Variants in FHOD3 observed in about 807,000 individuals in gnomAD.
FHOD3 encodes formin homology 2 domain containing 3.
A neutral mutation model predicts 173.0 loss-of-function variants in FHOD3; 90 were observed. The observed-to-expected ratio is 0.52, with a 90% CI of 0.44 to 0.62. FHOD3 has a LOEUF of 0.62. Ranked by LOEUF, FHOD3 falls within the 20% of genes least tolerant of loss-of-function variation. FHOD3 has a pLI of 0.00. For missense variants in FHOD3, 1,945 were observed against 2,034.7 expected (o/e 0.96, Z 0.85); for synonymous variants, 828 against 823.0 (o/e 1.01, Z -0.10).
chr18:36,366,855 C>T (rs1436715736), intron 2 of FHOD3, among the ~76,000 whole-genome samples: 1 of 152,140 alleles, frequency 6.6e-6, no homozygotes, highest in African/African-American at 2.4e-5. Flanking sequence ...CTACTTTTGC[C>T]AGATGGTGAA....
At chr18:36,585,292 T>C (rs761584185) in intron 6 of FHOD3, among the ~76,000 whole-genome samples, 2 of 152,180 alleles carry the variant, frequency 1.3e-5, no homozygotes, top group Non-Finnish European at 2.9e-5. Flanking sequence ...GGCATAGTCA[T>C]GTAATATTTG....
intron 3 of FHOD3, among the ~76,000 whole-genome samples, chr18:36,471,717 G>A (rs1354532797): frequency 1.3e-5 from 2 of 152,194 alleles, no homozygotes; most frequent in African/African-American, 4.8e-5. Context: ...CTGTTTAAAG[G>A]TAGTTGGTTT....
chr18:36,624,049 G>T (rs1278316895), intron 9 of FHOD3, among the ~76,000 whole-genome samples: 1 of 152,222 alleles, frequency 6.6e-6, no homozygotes, highest in Non-Finnish European at 1.5e-5. Context: ...ATGTGACTAA[G>T]AACACCCACA....
intron 6 of FHOD3, among the ~76,000 whole-genome samples, chr18:36,591,708 A>G (rs1338646641): frequency 1.3e-5 from 2 of 152,146 alleles, no homozygotes; most frequent in Non-Finnish European, 2.9e-5. Flanking sequence ...GCTGGATCCC[A>G]GGAGTTTAAG....
chr18:36,312,940 C>T (rs2092291832), intron 1 of FHOD3, among the ~76,000 whole-genome samples: 2 of 152,204 alleles, frequency 1.3e-5, no homozygotes, highest in Admixed American at 1.3e-4. Flanking sequence ...GCAGCTGGAT[C>T]ATGGCCGGCC....
chr18:36,699,750 G>T (rs1253937448), intron 17 of FHOD3, among the ~76,000 whole-genome samples: 2 of 152,088 alleles, frequency 1.3e-5, no homozygotes, highest in African/African-American at 4.8e-5. Flanking sequence ...TGACTTTCTG[G>T]TACCTGAAAT....
intron 19 of FHOD3, among the ~76,000 whole-genome samples, chr18:36,724,714 T>C (rs182845473): frequency 5.3e-5 from 8 of 152,210 alleles, no homozygotes; most frequent in Admixed American, 5.2e-4. Flanking sequence ...CTCCCTGCAG[T>C]GTTCTTAGCC....
At chr18:36,314,247 G>A (rs750405389) in intron 1 of FHOD3, among the ~76,000 whole-genome samples, 5 of 152,166 alleles carry the variant, frequency 3.3e-5, no homozygotes, top group Non-Finnish European at 7.3e-5. Context: ...GGGCTCTGAC[G>A]TCACCCTGGC....
intron 7 of FHOD3, among the ~76,000 whole-genome samples, chr18:36,602,246 T>C (rs907593071): frequency 6.6e-6 from 1 of 152,256 alleles, no homozygotes; most frequent in African/African-American, 2.4e-5. Context: ...CACTTATTTC[T>C]TTGAGTCACT....
chr18:36,623,050 T>A (rs182482251), intron 9 of FHOD3, among the ~76,000 whole-genome samples: 162 of 152,352 alleles, frequency 1.1e-3, no homozygotes, highest in Middle Eastern at 6.8e-3. Flanking sequence ...TAGCTTGATG[T>A]TTTGTTAATT....
chr18:36,387,538 TG>T (rs1467238113), intron 3 of FHOD3, among the ~76,000 whole-genome samples: 1 of 152,240 alleles, frequency 6.6e-6, no homozygotes, highest in Non-Finnish European at 1.5e-5. Flanking sequence ...TCAGTGTCTG[TG>T]GGTGTAACTA....
chr18:36,582,991 A>G (rs1464579509), intron 6 of FHOD3, among the ~76,000 whole-genome samples: 2 of 152,216 alleles, frequency 1.3e-5, no homozygotes, highest in Non-Finnish European at 2.9e-5. Context: ...CCTCAAGATA[A>G]TTAAGAATTC....
intron 3 of FHOD3, among the ~76,000 whole-genome samples, chr18:36,471,944 T>G (rs1369962031): frequency 6.6e-6 from 1 of 152,194 alleles, no homozygotes; most frequent in East Asian, 1.9e-4. Context: ...CCAATCCAGA[T>G]GGAGAACCAA....
intron 3 of FHOD3, among the ~76,000 whole-genome samples, chr18:36,483,345 C>T (rs185064624): frequency 9.1e-4 from 138 of 152,302 alleles, no homozygotes; most frequent in Middle Eastern, 3.4e-3. Context: ...CAGGCACAGT[C>T]GGGCTCAGCC....
chr18:36,713,169 A>G (rs2040264358), intron 18 of FHOD3, among the ~76,000 whole-genome samples: 1 of 152,242 alleles, frequency 6.6e-6, no homozygotes, highest in African/African-American at 2.4e-5. Context: ...TTGGAACTTC[A>G]GGAAGGAAAG....
intron 3 of FHOD3, among the ~76,000 whole-genome samples, chr18:36,401,171 G>A (rs1156369968): frequency 6.6e-6 from 1 of 152,140 alleles, no homozygotes; most frequent in African/African-American, 2.4e-5. Flanking sequence ...CAAAGCACTG[G>A]TATCAAAAGG....
At chr18:36,645,120 G>A (rs2035590472) in intron 10 of FHOD3, among the ~76,000 whole-genome samples, 1 of 152,046 alleles carries the variant, frequency 6.6e-6, no homozygotes, top group South Asian at 2.1e-4. Flanking sequence ...GGGGTGGTGT[G>A]TATGAGGGTA....
In FHOD3 at chr18:36,575,476, A is replaced by G. The variant is rs547186508; in HGVS notation, c.512-975A>G. 5.9e-5 allele frequency among the ~76,000 whole-genome samples: 9 copies of G among 152,394 alleles called. No homozygotes were observed. The South Asian group carries it at 1.9e-3, about 32-fold the overall frequency. On this transcript the variant is annotated intron_variant, in intron 5 of 28. Coordinates refer to ENST00000590592, the MANE Select transcript of FHOD3 (RefSeq NM_001281740.3). ...ATAAAAAAAGAATGTAAGAAAATAC[A>G]TCAATATTTTAAGAATGGTTATCTT...
chr18:36,466,194 C>T (rs2052919141), intron 3 of FHOD3, among the ~76,000 whole-genome samples: 1 of 152,172 alleles, frequency 6.6e-6, no homozygotes, highest in Non-Finnish European at 1.5e-5. Context: ...TCAGGCTATC[C>T]CGCAGAGACA....
Sources: allele counts gnomAD v4.1 joint callset (sites outside exome capture counted in the v4.1 genomes callset), GRCh38; gene constraint gnomAD v4.1.1; transcripts MANE v1.5; gene names NCBI Gene and HGNC (gene_info 2026-07-23, HGNC 2026-07-21).